The following KCNT2 variants were observed in gnomAD, a reference collection of about 807,000 sequenced individuals.
The protein encoded by KCNT2 is potassium channel subfamily T member 2.
KCNT2 carries 67 observed loss-of-function variants against 153.8 expected under a neutral mutation model. The ratio of observed to expected loss-of-function variants is 0.44; its 90% CI spans 0.36 to 0.53. KCNT2 has a LOEUF of 0.53. Among genes scored for constraint, KCNT2 ranks in the 20% least tolerant of loss-of-function variants. The probability of loss-of-function intolerance (pLI) is 0.00; values close to 1 mark genes in which losing one functional copy is unlikely to be tolerated. For synonymous variants in KCNT2, 500 were observed against 458.8 expected (o/e 1.09, Z -1.15); for missense variants, 975 against 1,354.8 (o/e 0.72, Z 4.40).
intron 26 of KCNT2, among the ~76,000 whole-genome samples, chr1:196,238,428 C>A (rs1045905334): frequency 6.6e-6 from 1 of 151,894 alleles, no homozygotes; most frequent in African/African-American, 2.4e-5. Context: ...GTTTTCAATT[C>A]AATTATTATA....
chr1:196,554,870 G>A (rs922445247), intron 1 of KCNT2, among the ~76,000 whole-genome samples: 11 of 151,376 alleles, frequency 7.3e-5, no homozygotes, highest in Admixed American at 5.3e-4. Context: ...CATATCAACA[G>A]AAGGAAGAAT....
At chr1:196,245,975 CA>C (rs760395714) in intron 26 of KCNT2, among the ~76,000 whole-genome samples, 14 of 151,898 alleles carry the variant, frequency 9.2e-5, no homozygotes, top group Non-Finnish European at 1.9e-4. Flanking sequence ...AGAAATACAT[CA>C]ATATATAAAT....
At chr1:196,479,089 C>A (rs1678783269) in intron 5 of KCNT2, 90 bp downstream of exon 5, 2 of 835,322 alleles carry the variant, frequency 2.4e-6, no homozygotes, top group Non-Finnish European at 3.9e-6. Context: ...GTCAGCCTTA[C>A]CTTCCAGTGC....
intron 4 of KCNT2, 43 bp from the exon 5 acceptor site, chr1:196,479,281 T>A: frequency 9.0e-7 from 1 of 1,112,030 alleles, no homozygotes; most frequent in Non-Finnish European, 1.4e-6. Flanking sequence ...GCAATACAAT[T>A]AAATTATATA....
At chr1:196,262,686 T>G (rs1657139892) in intron 25 of KCNT2, among the ~76,000 whole-genome samples, 1 of 152,074 alleles carries the variant, frequency 6.6e-6, no homozygotes, top group Non-Finnish European at 1.5e-5. Context: ...CAATTTAATA[T>G]GTACACGTGG....
intron 25 of KCNT2, among the ~76,000 whole-genome samples, chr1:196,270,280 G>C (rs1657945684): frequency 6.6e-6 from 1 of 151,918 alleles, no homozygotes; most frequent in South Asian, 2.1e-4. Context: ...CCCAAATCAA[G>C]ACTGATTTCA....
chr1:196,450,923 AT>A (rs1234790839), intron 8 of KCNT2, among the ~76,000 whole-genome samples: 3 of 151,800 alleles, frequency 2.0e-5, no homozygotes, highest in Non-Finnish European at 2.9e-5. Context: ...TGAATACTTC[AT>A]TTATTTCCCT....
intron 1 of KCNT2, among the ~76,000 whole-genome samples, chr1:196,550,928 A>G (rs1657814151): frequency 6.6e-6 from 1 of 151,884 alleles, no homozygotes; most frequent in Admixed American, 6.6e-5. Flanking sequence ...CTAAATACAG[A>G]AAAAACTTCA....
intron 5 of KCNT2, among the ~76,000 whole-genome samples, chr1:196,473,297 A>G (rs917449616): frequency 2.6e-5 from 4 of 152,068 alleles, no homozygotes; most frequent in Non-Finnish European, 5.9e-5. Flanking sequence ...TTCTCCATCA[A>G]TTTCTTTCAC....
intron 26 of KCNT2, among the ~76,000 whole-genome samples, chr1:196,242,814 C>T (rs1012457841): frequency 6.6e-6 from 1 of 152,122 alleles, no homozygotes; most frequent in African/African-American, 2.4e-5. Flanking sequence ...GGAATCTTTA[C>T]TTATAGGTTT....
At chr1:196,499,579 T>C (rs893334582) in intron 1 of KCNT2, among the ~76,000 whole-genome samples, 8 of 152,208 alleles carry the variant, frequency 5.3e-5, no homozygotes, top group African/African-American at 1.9e-4. Flanking sequence ...AGAGATAAAA[T>C]CATCTTACTT....
intron 1 of KCNT2, among the ~76,000 whole-genome samples, chr1:196,528,142 T>C (rs1654486108): frequency 6.6e-6 from 1 of 152,230 alleles, no homozygotes; most frequent in Non-Finnish European, 1.5e-5. Context: ...TCATTTTCCA[T>C]TTTCTAATTT....
In KCNT2 at chr1:196,227,603, T is replaced by C. The variant is rs1462457918; in HGVS notation, c.*621A>G. 6.6e-6 allele frequency: 1 copy of C among 152,446 alleles called. No individual in the cohort carries two copies. The highest frequency in any genetic ancestry group is 1.5e-5 in the Non-Finnish European group (1 of 67,948). 9.4% of individuals were successfully genotyped at this position (152,446 alleles called of 1,614,324 possible). A position where few individuals can be genotyped will look rare whatever the true frequency, so the allele number is the denominator to read the frequency against. ...CATTTATGTTTTAGTTTCTTCAATGTAATAAAACATGCTATGAACATCTCA... is the reference window on the plus strand; with the variant it reads ...CATTTATGTTTTAGTTTCTTCAATGCAATAAAACATGCTATGAACATCTCA... On this transcript the variant is annotated 3_prime_UTR_variant, in exon 28 of 28. Coordinates refer to ENST00000294725, the MANE Select transcript of KCNT2 (RefSeq NM_198503.5).
At chr1:196,375,499 G>C (rs572013741) in intron 13 of KCNT2, among the ~76,000 whole-genome samples, 14 of 151,700 alleles carry the variant, frequency 9.2e-5, no homozygotes, top group Middle Eastern at 3.4e-3. Context: ...ATTAATATAT[G>C]ATATGTATCA....
At position 196,406,609 on chromosome 1, in the gene KCNT2, T is replaced by A. The variant is rs563787211; in HGVS notation, c.1186-7938A>T. On this transcript the variant is annotated intron_variant, in intron 12 of 27. Coordinates refer to ENST00000294725, the MANE Select transcript of KCNT2 (RefSeq NM_198503.5). ...ATCAAAGTCAAAAAAAAAAAAAAAATTAAAAGAAGACTTGGTCTAGCATTC... is the reference window on the plus strand; with the variant it reads ...ATCAAAGTCAAAAAAAAAAAAAAAAATAAAAGAAGACTTGGTCTAGCATTC... 2.9e-3 allele frequency among the ~76,000 whole-genome samples: 440 copies of A among 149,442 alleles called. 1 individual carries two copies. The highest frequency in any genetic ancestry group is 9.9e-3 in the African/African-American group (403 of 40,860).
intron 13 of KCNT2, among the ~76,000 whole-genome samples, chr1:196,395,978 A>C (rs899126385): frequency 6.6e-6 from 1 of 151,632 alleles, no homozygotes; most frequent in Non-Finnish European, 1.5e-5. Context: ...TAAAGTAATT[A>C]TTATTTTATC....
At chr1:196,387,180 A>G (rs185437011) in intron 13 of KCNT2, among the ~76,000 whole-genome samples, 2 of 151,938 alleles carry the variant, frequency 1.3e-5, no homozygotes, top group African/African-American at 4.8e-5. Context: ...ACCTACTACT[A>G]TATATTCCTT....
intron 21 of KCNT2, among the ~76,000 whole-genome samples, chr1:196,313,613 T>C (rs1662407540): frequency 6.6e-6 from 1 of 151,560 alleles, no homozygotes; most frequent in African/African-American, 2.4e-5. Context: ...CTGTCTTACT[T>C]TTTATCATGT....
At chr1:196,335,121 G>A (rs1664891736) in intron 16 of KCNT2, among the ~76,000 whole-genome samples, 1 of 152,064 alleles carries the variant, frequency 6.6e-6, no homozygotes, top group African/African-American at 2.4e-5. Flanking sequence ...AACGATGAAA[G>A]GCATCATATT....
Sources: gnomAD v4.1 joint callset for allele counts (sites outside exome capture counted in the v4.1 genomes callset) on GRCh38, gnomAD v4.1.1 for gene constraint, MANE v1.5 for transcripts, NCBI Gene and HGNC (gene_info 2026-07-23, HGNC 2026-07-21) for gene names.